NKAIN2: variants seen among roughly 807,000 people sequenced by gnomAD.
NKAIN2 encodes the protein sodium/potassium transporting ATPase interacting 2.
In NKAIN2, 14 loss-of-function variants were observed where a neutral mutation model predicts 32.6. That is an observed-to-expected ratio of 0.43 (90% CI 0.28 to 0.67). The LOEUF is 0.67. Among genes scored for constraint, NKAIN2 ranks in the 30% least tolerant of loss-of-function variants. The probability of loss-of-function intolerance (pLI) is 0.17; values close to 1 mark genes in which losing one functional copy is unlikely to be tolerated. For missense variants in NKAIN2, 198 were observed against 258.3 expected (o/e 0.77, Z 1.60); for synonymous variants, 80 against 87.2 (o/e 0.92, Z 0.46).
chr6:124,705,388 A>G (rs1775008228), intron 4 of NKAIN2, among the ~76,000 whole-genome samples: 2 of 152,158 alleles, frequency 1.3e-5, no homozygotes, highest in Admixed American at 6.6e-5. Flanking sequence ...ATGATACCAC[A>G]TGACACAGAA....
intron 3 of NKAIN2, among the ~76,000 whole-genome samples, chr6:124,567,555 C>T (rs1352229660): frequency 1.3e-5 from 2 of 152,122 alleles, no homozygotes; most frequent in African/African-American, 4.8e-5. Flanking sequence ...CAGCTTTTGC[C>T]ACAATAATGC....
intron 3 of NKAIN2, among the ~76,000 whole-genome samples, chr6:124,457,954 C>A (rs958525347): frequency 3.3e-5 from 5 of 151,902 alleles, no homozygotes; most frequent in Non-Finnish European, 5.9e-5. Flanking sequence ...TTTAATATTG[C>A]AAGATGCTAA....
Position 123,948,927 on chromosome 6 carries a change from T to C in NKAIN2, c.54+144673T>C, listed in dbSNP as rs568977133. On this transcript the variant is annotated intron_variant, in intron 1 of 6. Coordinates refer to ENST00000368417, the MANE Select transcript of NKAIN2 (RefSeq NM_001040214.3). ...ATTTAAGTCTTTAATTCATCTTGAGTTGGTTTTCGGATATAGCAAGAGAAA... is the reference window on the plus strand; with the variant it reads ...ATTTAAGTCTTTAATTCATCTTGAGCTGGTTTTCGGATATAGCAAGAGAAA... Among the ~76,000 whole-genome samples, 258 of 152,080 alleles carry C rather than the reference T, an allele frequency of 1.7e-3. 2 individuals carry two copies. The highest frequency in any genetic ancestry group is 6.0e-3 in the African/African-American group (251 of 41,546).
At chr6:124,575,978 A>C (rs962746156) in intron 3 of NKAIN2, among the ~76,000 whole-genome samples, 3 of 152,228 alleles carry the variant, frequency 2.0e-5, no homozygotes, top group Non-Finnish European at 2.9e-5. Context: ...CCTTAACACA[A>C]ATCAAGACAG....
At chr6:124,029,593 A>G (rs2114782924) in intron 1 of NKAIN2, among the ~76,000 whole-genome samples, 1 of 152,224 alleles carries the variant, frequency 6.6e-6, no homozygotes, top group South Asian at 2.1e-4. Flanking sequence ...CGAAAACAAA[A>G]TCAACCTTGG....
intron 1 of NKAIN2, among the ~76,000 whole-genome samples, chr6:124,011,613 C>G (rs1360864267): frequency 6.6e-6 from 1 of 152,166 alleles, no homozygotes; most frequent in Non-Finnish European, 1.5e-5. Context: ...ATCCATCACT[C>G]TCCAAATGCC....
chr6:124,774,906 G>A (rs1778921954), intron 4 of NKAIN2, among the ~76,000 whole-genome samples: 1 of 148,770 alleles, frequency 6.7e-6, no homozygotes, highest in African/African-American at 2.5e-5. Flanking sequence ...ATCTTTGACA[G>A]TATCTTTGGA....
intron 1 of NKAIN2, among the ~76,000 whole-genome samples, chr6:124,084,572 C>A (rs1223803998): frequency 2.0e-5 from 3 of 151,910 alleles, no homozygotes; most frequent in Non-Finnish European, 4.4e-5. Context: ...TTGTGTAGCA[C>A]TAATCTTATA....
intron 1 of NKAIN2, among the ~76,000 whole-genome samples, chr6:123,840,931 A>G (rs933409448): frequency 6.6e-6 from 1 of 152,132 alleles, no homozygotes; most frequent in African/African-American, 2.4e-5. Flanking sequence ...AAGGAAAACA[A>G]ATTGTTTCTT....
chr6:124,198,164 G>A (rs1313884841), intron 1 of NKAIN2, among the ~76,000 whole-genome samples: 1 of 151,944 alleles, frequency 6.6e-6, no homozygotes, highest in Non-Finnish European at 1.5e-5. Context: ...CATGTACCAC[G>A]TGAAGGCTAG....
chr6:124,529,505 T>A (rs1779442878), intron 3 of NKAIN2, among the ~76,000 whole-genome samples: 2 of 152,206 alleles, frequency 1.3e-5, no homozygotes, highest in Admixed American at 1.3e-4. Context: ...TTCCCTTTAG[T>A]CCAGTACTCA....
chr6:124,076,616 T>C (rs971535264), intron 1 of NKAIN2, among the ~76,000 whole-genome samples: 15 of 152,202 alleles, frequency 9.9e-5, no homozygotes, highest in Non-Finnish European at 2.1e-4. Context: ...ATGTTTATAA[T>C]ATAGAAATAG....
intron 5 of NKAIN2, among the ~76,000 whole-genome samples, chr6:124,817,547 G>A (rs1210792477): frequency 6.6e-6 from 1 of 152,076 alleles, no homozygotes; most frequent in East Asian, 1.9e-4. Flanking sequence ...AGATAAAAGT[G>A]CATGACACTT....
intron 3 of NKAIN2, among the ~76,000 whole-genome samples, chr6:124,488,034 C>G (rs1190252190): frequency 6.6e-6 from 1 of 152,020 alleles, no homozygotes; most frequent in African/African-American, 2.4e-5. Context: ...TAGAAATTCC[C>G]TAAGTAACTT....
intron 4 of NKAIN2, among the ~76,000 whole-genome samples, chr6:124,776,854 A>G (rs558057201): frequency 6.6e-6 from 1 of 152,034 alleles, no homozygotes; most frequent in African/African-American, 2.4e-5. Context: ...GTAGTCTTTT[A>G]TCAGTTACTT....
chr6:124,493,653 T>C (rs1462998791), intron 3 of NKAIN2, among the ~76,000 whole-genome samples: 1 of 144,270 alleles, frequency 6.9e-6, no homozygotes, highest in Non-Finnish European at 1.5e-5. Flanking sequence ...TATCTCTACA[T>C]CTCTCCACTG....
rs185082790 is a variant in NKAIN2 at position 124,687,289 on chromosome 6, A to G, written c.474+28903A>G. Among the ~76,000 whole-genome samples, 1,140 of 142,996 alleles carry G rather than the reference A, an allele frequency of 8.0e-3. 8 individuals carry two copies. The highest frequency in any genetic ancestry group is 0.026 in the African/African-American group (1,035 of 39,336). The allele number at this position is 142,996 out of a possible 152,430, so 93.8% of individuals were successfully genotyped here. Reference sequence around the variant, plus strand: ...CTCTCTATATATAGAGAGAGAATATATATATTCTATATATAGAGAATATAT... The same window carrying G: ...CTCTCTATATATAGAGAGAGAATATGTATATTCTATATATAGAGAATATAT... On this transcript the variant is annotated intron_variant, in intron 4 of 6. Transcript: ENST00000368417.
At chr6:124,442,247 C>G (rs949809525) in intron 3 of NKAIN2, among the ~76,000 whole-genome samples, 5 of 152,018 alleles carry the variant, frequency 3.3e-5, no homozygotes, top group Non-Finnish European at 7.4e-5. Context: ...AGTGGACAAC[C>G]AGATGCATGA....
chr6:123,837,768 T>G (rs1774693122), intron 1 of NKAIN2, among the ~76,000 whole-genome samples: 1 of 152,184 alleles, frequency 6.6e-6, no homozygotes, highest in South Asian at 2.1e-4. Context: ...GTTGGGCTAT[T>G]TCTTATTTAG....
Sources: allele counts gnomAD v4.1 joint callset (sites outside exome capture counted in the v4.1 genomes callset), GRCh38; gene constraint gnomAD v4.1.1; transcripts MANE v1.5; gene names NCBI Gene and HGNC (gene_info 2026-07-23, HGNC 2026-07-21).